Variants in KCNMA1 observed in about 807,000 individuals in gnomAD.
KCNMA1 encodes the protein Calcium-activated potassium channel subunit alpha-1.
A neutral mutation model predicts 140.0 loss-of-function variants in KCNMA1; 29 were observed. The observed-to-expected ratio is 0.21, with a 90% CI of 0.15 to 0.28. The LOEUF (loss-of-function observed/expected upper bound fraction) is 0.28. Ranked by LOEUF, KCNMA1 falls within the 10% of genes least tolerant of loss-of-function variation. The probability of loss-of-function intolerance (pLI) is 1.00; values close to 1 mark genes in which losing one functional copy is unlikely to be tolerated. For synonymous variants in KCNMA1, 612 were observed against 611.9 expected, an observed-to-expected ratio of 1.00 and a Z score of 0.00; for missense variants, 880 against 1,602.2, an observed-to-expected ratio of 0.55 and a Z score of 7.70.
intron 1 of KCNMA1, among the ~76,000 whole-genome samples, chr10:77,425,014 G>A (rs2096947808): frequency 6.6e-6 from 1 of 152,184 alleles, no homozygotes; most frequent in Non-Finnish European, 1.5e-5. Context: ...CCTGGGCCAG[G>A]GCAGGCACCT....
chr10:77,534,016 G>A (rs2058312873), intron 1 of KCNMA1, among the ~76,000 whole-genome samples: 1 of 152,278 alleles, frequency 6.6e-6, no homozygotes, highest in Admixed American at 6.5e-5. Context: ...CTCTAGGCCA[G>A]CAGCCCCTGC....
intron 19 of KCNMA1, chr10:76,970,407 T>G (rs2075739256): frequency 3.5e-6 from 1 of 287,972 alleles, no homozygotes; most frequent in Admixed American, 4.6e-5. Context: ...AGAGTTAATT[T>G]TGGTTACTTT....
intron 23 of KCNMA1, among the ~76,000 whole-genome samples, chr10:76,941,818 T>C (rs1418163206): frequency 1.3e-5 from 2 of 152,138 alleles, no homozygotes; most frequent in Non-Finnish European, 2.9e-5. Flanking sequence ...AGACAACAGA[T>C]ATTTATTTCC....
intron 1 of KCNMA1, among the ~76,000 whole-genome samples, chr10:77,599,545 G>C (rs1371590376): frequency 6.6e-6 from 1 of 152,114 alleles, no homozygotes; most frequent in Non-Finnish European, 1.5e-5. Context: ...TAACCTGAAG[G>C]GATTGCATCT....
chr10:77,370,537 C>T (rs2094624026), intron 2 of KCNMA1, among the ~76,000 whole-genome samples: 2 of 152,204 alleles, frequency 1.3e-5, no homozygotes, highest in Admixed American at 1.3e-4. Context: ...TGAAATTAAA[C>T]ATCCAAAGAC....
chr10:77,334,487 T>C (rs577260440), intron 2 of KCNMA1, among the ~76,000 whole-genome samples: 14 of 152,350 alleles, frequency 9.2e-5, no homozygotes, highest in Middle Eastern at 3.4e-3. Context: ...ATTTGAGCTT[T>C]ATTACATCAT....
intron 2 of KCNMA1, among the ~76,000 whole-genome samples, chr10:77,252,577 A>T (rs2154253658): frequency 7.2e-6 from 1 of 138,172 alleles, no homozygotes; most frequent in South Asian, 2.4e-4. Flanking sequence ...GTGCCTGTGT[A>T]TGTATGAGAG....
rs1336310077 is a variant in KCNMA1, at chr10:76,884,964, C to A, written c.*2302G>T. 1.3e-6 allele frequency: 2 copies of A among 1,544,150 alleles called. No individual in the cohort carries two copies. The highest frequency in any genetic ancestry group is 2.4e-5 in the South Asian group (2 of 82,698). On this transcript the variant is annotated 3_prime_UTR_variant, in exon 28 of 28. Transcript: ENST00000286628. ...AGAAAACCCCCAGCAGTGGCTAGGT[C>A]ATGCAGAACCATTAATTGTCATACC...
chr10:77,497,408 C>T (rs1205984373), intron 1 of KCNMA1, among the ~76,000 whole-genome samples: 2 of 152,164 alleles, frequency 1.3e-5, no homozygotes, highest in Admixed American at 6.5e-5. Context: ...CACTGGAAGT[C>T]GATGCCCCTT....
intron 1 of KCNMA1, among the ~76,000 whole-genome samples, chr10:77,506,596 A>AGAGAGAGAGAGAGTGTGTGTGTGTGT: frequency 1.3e-4 from 11 of 83,564 alleles, no homozygotes; most frequent in African/African-American, 8.2e-4. Flanking sequence ...AGAGAGAGAG[A>AGAGAGAGAGAGAGTGTGTGTGTGTGT]GTGTGTGTGT....
At chr10:77,500,869 A>T (rs2043611563) in intron 1 of KCNMA1, among the ~76,000 whole-genome samples, 2 of 152,218 alleles carry the variant, frequency 1.3e-5, no homozygotes, top group African/African-American at 4.8e-5. Context: ...CTGGTTTTGG[A>T]GGTTGGAAAC....
At chr10:77,518,520 G>A (rs2051464334) in intron 1 of KCNMA1, among the ~76,000 whole-genome samples, 1 of 152,184 alleles carries the variant, frequency 6.6e-6, no homozygotes, top group African/African-American at 2.4e-5. Flanking sequence ...CTCTCTAGGG[G>A]CTGCTCAGAA....
intron 20 of KCNMA1, among the ~76,000 whole-genome samples, chr10:76,960,313 G>A (rs998968287): frequency 4.6e-5 from 7 of 152,126 alleles, no homozygotes; most frequent in African/African-American, 1.7e-4. Flanking sequence ...GCTGAGGTGG[G>A]CAGATCACCT....
chr10:77,103,592 T>C (rs979946063), intron 9 of KCNMA1, among the ~76,000 whole-genome samples: 11 of 152,160 alleles, frequency 7.2e-5, no homozygotes, highest in Non-Finnish European at 1.6e-4. Context: ...GGAACTACCT[T>C]TAAAGGATGG....
chr10:77,372,092 G>A lies in KCNMA1; in HGVS notation c.540+31770C>T, dbSNP rs557095368. On this transcript the variant is annotated intron_variant, in intron 2 of 27. Coordinates refer to ENST00000286628, the MANE Select transcript of KCNMA1 (RefSeq NM_001161352.2). Reference sequence around the variant, plus strand: ...AGAAGGCAGCCACAGACTTTCCAAAGGGAAAGTTCTGAACAAAGATTAATT... The same window carrying A: ...AGAAGGCAGCCACAGACTTTCCAAAAGGAAAGTTCTGAACAAAGATTAATT... Among the ~76,000 whole-genome samples the A allele has an allele frequency of 5.9e-5, 9 of 152,216 alleles. No individual in the cohort carries two copies. The South Asian group carries it at 1.9e-3, about 32-fold the overall frequency.
At chr10:77,381,013 G>A (rs1045117431) in intron 2 of KCNMA1, among the ~76,000 whole-genome samples, 4 of 152,204 alleles carry the variant, frequency 2.6e-5, no homozygotes, top group Non-Finnish European at 5.9e-5. Flanking sequence ...CCCATTTGGA[G>A]TGGAAATGGC....
At position 76,914,863 on chromosome 10, in the gene KCNMA1, C is replaced by T. The variant is rs2288838; in HGVS notation, c.3016+73G>A. The T allele has an allele frequency of 8.6e-5, 99 of 1,149,698 alleles. No individual in the cohort carries two copies. The East Asian group carries it at 2.3e-3, about 27-fold the overall frequency. 71.2% of individuals were successfully genotyped at this position (1,149,698 alleles called of 1,614,324 possible). On this transcript the variant is annotated intron_variant, in intron 24 of 27. Transcript: ENST00000286628. ...AAAGTTGAAAGGGCTAAGAAATAAA[C>T]CAACCTCCTCATATCCTGTATGGTT...
At chr10:77,473,294 C>T (rs1277053153) in intron 1 of KCNMA1, among the ~76,000 whole-genome samples, 1 of 152,172 alleles carries the variant, frequency 6.6e-6, no homozygotes, top group African/African-American at 2.4e-5. Flanking sequence ...GTTGCTGGAC[C>T]GCAGAACTGA....
chr10:77,526,858 C>A (rs2055913045), intron 1 of KCNMA1, among the ~76,000 whole-genome samples: 1 of 151,946 alleles, frequency 6.6e-6, no homozygotes, highest in South Asian at 2.1e-4. Flanking sequence ...TCCAACTTCC[C>A]ATCCTCCCTC....
Sources: allele counts gnomAD v4.1 joint callset (sites outside exome capture counted in the v4.1 genomes callset), GRCh38; gene constraint gnomAD v4.1.1; transcripts MANE v1.5; gene names NCBI Gene and HGNC (gene_info 2026-07-23, HGNC 2026-07-21).